The following CSMD1 variants were observed in gnomAD, a reference collection of about 807,000 sequenced individuals.
The protein encoded by CSMD1 is CUB and Sushi multiple domains 1, also known as CUB and sushi domain-containing protein 1.
CSMD1 carries 213 observed loss-of-function variants against 417.5 expected under a neutral mutation model. That is an observed-to-expected ratio of 0.51 (90% CI 0.46 to 0.57). The LOEUF (loss-of-function observed/expected upper bound fraction) is 0.57. CSMD1 is among the 20% of genes least tolerant of loss of function. CSMD1 has a pLI of 0.00. For missense variants in CSMD1, 6,923 were observed against 4,529.7 expected, an observed-to-expected ratio of 1.53 and a Z score of -15.17; for synonymous variants, 2,862 against 1,736.8, an observed-to-expected ratio of 1.65 and a Z score of -16.11.
chr8:3,682,595 G>A (rs1035962005), intron 7 of CSMD1, among the ~76,000 whole-genome samples: 2 of 152,182 alleles, frequency 1.3e-5, no homozygotes, highest in Admixed American at 1.3e-4. Flanking sequence ...CTGTTGGTGG[G>A]ACTGTAAACT....
intron 10 of CSMD1, among the ~76,000 whole-genome samples, chr8:3,530,845 G>A (rs13439211): frequency 0.11 from 16,030 of 145,722 alleles, 972 homozygotes; most frequent in Admixed American, 0.18. Flanking sequence ...AGTGAATCTT[G>A]ACGCCTCTCC....
At chr8:4,436,900 T>A (rs1798179584) in intron 2 of CSMD1, among the ~76,000 whole-genome samples, 1 of 152,232 alleles carries the variant, frequency 6.6e-6, no homozygotes, top group Non-Finnish European at 1.5e-5. Flanking sequence ...AACCACATTT[T>A]CTTTATCCAT....
chr8:3,366,799 T>A (rs905246901), intron 20 of CSMD1, among the ~76,000 whole-genome samples: 2 of 152,196 alleles, frequency 1.3e-5, no homozygotes, highest in African/African-American at 4.8e-5. Context: ...AAGACGAGAA[T>A]TCACAAATTG....
intron 41 of CSMD1, among the ~76,000 whole-genome samples, chr8:3,132,275 C>A (rs556694601): frequency 6.6e-6 from 1 of 151,990 alleles, no homozygotes; most frequent in East Asian, 1.9e-4. Context: ...ACAAAACACC[C>A]ATGTATCTTT....
At chr8:4,920,995 AAAAG>A (rs1371262048) in intron 1 of CSMD1, among the ~76,000 whole-genome samples, 3 of 42,542 alleles carry the variant, frequency 7.1e-5, no homozygotes, top group African/African-American at 9.8e-5. Context: ...AGAAAGAAAG[AAAAG>A]AAAGAAAGAA....
intron 5 of CSMD1, among the ~76,000 whole-genome samples, chr8:3,796,645 T>C (rs1266746521): frequency 1.3e-5 from 2 of 149,568 alleles, no homozygotes; most frequent in African/African-American, 2.4e-5. Flanking sequence ...TGTATAGATA[T>C]AGATATATAT....
intron 1 of CSMD1, among the ~76,000 whole-genome samples, chr8:4,890,244 A>G (rs550456495): frequency 6.6e-6 from 1 of 152,278 alleles, no homozygotes; most frequent in East Asian, 1.9e-4. Flanking sequence ...CTGAAGCAGC[A>G]CGATAGAGTG....
At chr8:4,713,684 C>T (rs190066718) in intron 1 of CSMD1, among the ~76,000 whole-genome samples, 2 of 152,252 alleles carry the variant, frequency 1.3e-5, no homozygotes, top group South Asian at 2.1e-4. Flanking sequence ...ACCCAGAGCT[C>T]CAGCTGCTCG....
intron 1 of CSMD1, among the ~76,000 whole-genome samples, chr8:4,674,781 C>T (rs560550678): frequency 1.6e-4 from 25 of 152,242 alleles, no homozygotes; most frequent in East Asian, 5.8e-4. Context: ...TAGATTGAAT[C>T]GTGTCCCCCT....
At chr8:4,725,295 C>A (rs1023560787) in intron 1 of CSMD1, among the ~76,000 whole-genome samples, 5 of 152,150 alleles carry the variant, frequency 3.3e-5, no homozygotes, top group Non-Finnish European at 5.9e-5. Context: ...GATTACTTTT[C>A]TTCAACACCA....
chr8:3,301,767 G>A (rs900892937), intron 25 of CSMD1, among the ~76,000 whole-genome samples: 3 of 152,142 alleles, frequency 2.0e-5, no homozygotes, highest in Non-Finnish European at 4.4e-5. Flanking sequence ...GCTTGTCAAC[G>A]TACAGTGAGG....
chr8:3,670,895 T>TATATATGTATGG (rs1475173817), intron 7 of CSMD1, among the ~76,000 whole-genome samples: 3 of 104,494 alleles, frequency 2.9e-5, no homozygotes, highest in Non-Finnish European at 6.3e-5. Flanking sequence ...TATATGTATG[T>TATATATGTATGG]GATATATATG....
chr8:3,527,729 G>A (rs547555976), intron 10 of CSMD1, among the ~76,000 whole-genome samples: 1 of 152,064 alleles, frequency 6.6e-6, no homozygotes, highest in South Asian at 2.1e-4. Flanking sequence ...GGGAGGGGTG[G>A]GTGAAACGAA....
intron 3 of CSMD1, among the ~76,000 whole-genome samples, chr8:4,058,930 CACCAAGCGGGCCTA>C (rs1563067877): frequency 2.0e-5 from 3 of 152,138 alleles, no homozygotes; most frequent in African/African-American, 7.2e-5. Flanking sequence ...CTCAGCTCTG[CACCAAGCGGGCCTA>C]ACAGACATCT....
chr8:3,891,385 A>G (rs745689433), intron 5 of CSMD1, among the ~76,000 whole-genome samples: 73 of 152,194 alleles, frequency 4.8e-4, no homozygotes, highest in Non-Finnish European at 7.4e-4. Context: ...ATTCAATTCC[A>G]AAATCCATCC....
intron 1 of CSMD1, among the ~76,000 whole-genome samples, chr8:4,746,963 G>C (rs1309245370): frequency 1.3e-5 from 2 of 152,290 alleles, no homozygotes; most frequent in East Asian, 3.9e-4. Context: ...AAATTAGAGA[G>C]AGGGAAGAAC....
At chr8:4,221,221 A>G (rs567819938) in intron 3 of CSMD1, among the ~76,000 whole-genome samples, 54 of 152,188 alleles carry the variant, frequency 3.5e-4, no homozygotes, top group Non-Finnish European at 6.6e-4. Context: ...TATTTCAAAT[A>G]CAACATATAT....
At chr8:4,613,684 C>G (rs1399818685) in intron 2 of CSMD1, among the ~76,000 whole-genome samples, 1 of 152,040 alleles carries the variant, frequency 6.6e-6, no homozygotes, top group Admixed American at 6.6e-5. Context: ...AATTTTCCAT[C>G]AAATGGCAGT....
At chr8:4,729,881 A>G (rs1022646245) in intron 1 of CSMD1, among the ~76,000 whole-genome samples, 2 of 152,230 alleles carry the variant, frequency 1.3e-5, no homozygotes, top group African/African-American at 4.8e-5. Flanking sequence ...CTAAGGTGAT[A>G]GGAACCTCAT....
Sources: gnomAD v4.1 joint callset for allele counts (sites outside exome capture counted in the v4.1 genomes callset) on GRCh38, gnomAD v4.1.1 for gene constraint, MANE v1.5 for transcripts, NCBI Gene and HGNC (gene_info 2026-07-23, HGNC 2026-07-21) for gene names.